PCDHGA9: variants seen among roughly 807,000 people sequenced by gnomAD.
PCDHGA9 encodes the protein protocadherin gamma-A9.
A neutral mutation model predicts 62.5 loss-of-function variants in PCDHGA9; 37 were observed. The observed-to-expected ratio is 0.59, with a 90% CI of 0.46 to 0.78. The LOEUF (loss-of-function observed/expected upper bound fraction) is 0.78. PCDHGA9 is among the 30% of genes least tolerant of loss of function. PCDHGA9 has a pLI of 0.00. For missense variants in PCDHGA9, 1,138 were observed against 1,166.2 expected (o/e 0.98, Z 0.35); for synonymous variants, 459 against 484.6 (o/e 0.95, Z 0.69).
At chr5:141,407,703 G>T (rs1016806853) in intron 1 of PCDHGA9, among the ~76,000 whole-genome samples, 1 of 152,096 alleles carries the variant, frequency 6.6e-6, no homozygotes, top group Admixed American at 6.6e-5. Context: ...ATTGTTGAAG[G>T]TGGGGTGATG....
intron 1 of PCDHGA9, chr5:141,415,715 T>A: frequency 7.0e-7 from 1 of 1,428,190 alleles, no homozygotes; most frequent in Non-Finnish European, 9.3e-7. Flanking sequence ...AAAACACTGA[T>A]GAGTAGAATT....
At position 141,426,367 on chromosome 5, in the gene PCDHGA9, G is replaced by A. The variant is rs557191606; in HGVS notation, c.2424+20991G>A. The A allele has an allele frequency of 8.2e-4, 168 of 204,486 alleles. 3 individuals are homozygous for A. The South Asian group carries it at 0.014, about 17-fold the overall frequency. 12.7% of individuals were successfully genotyped at this position (204,486 alleles called of 1,614,324 possible). ...TTTCCTGCTGCCTTTGTTCTGCGGG[G>A]CACCCTCGGAGCAGATCCGCTACTC... is the stretch of plus-strand genomic sequence containing the variant. On this transcript the variant is annotated intron_variant, in intron 1 of 3. Transcript: ENST00000573521.
At chr5:141,406,346 G>C (rs1296474677) in intron 1 of PCDHGA9, among the ~76,000 whole-genome samples, 1 of 152,092 alleles carries the variant, frequency 6.6e-6, no homozygotes, top group Non-Finnish European at 1.5e-5. Flanking sequence ...ATTTATTCAG[G>C]TCATACTATG....
intron 2 of PCDHGA9, among the ~76,000 whole-genome samples, chr5:141,502,866 C>CTTTTTT (rs549047197): frequency 2.0e-4 from 26 of 128,026 alleles, no homozygotes; most frequent in African/African-American, 6.2e-4. Flanking sequence ...GACTCTCTGT[C>CTTTTTT]TTTTTTTTTT....
intron 1 of PCDHGA9, among the ~76,000 whole-genome samples, chr5:141,465,545 C>T (rs2099105349): frequency 6.6e-6 from 1 of 152,146 alleles, no homozygotes; most frequent in South Asian, 2.1e-4. Context: ...GGCATTTTTT[C>T]TGCTGAAGCT....
intron 1 of PCDHGA9, among the ~76,000 whole-genome samples, chr5:141,437,929 G>A (rs1479763331): frequency 6.6e-6 from 1 of 151,960 alleles, no homozygotes; most frequent in East Asian, 1.9e-4. Context: ...GTAGAGATGG[G>A]GTTTCACCAT....
At chr5:141,469,233 C>T (rs2099194657) in intron 1 of PCDHGA9, among the ~76,000 whole-genome samples, 1 of 149,878 alleles carries the variant, frequency 6.7e-6, no homozygotes, top group African/African-American at 2.5e-5. Context: ...GCCATGATCA[C>T]CCCACTGCAC....
intron 1 of PCDHGA9, chr5:141,427,998 C>G: frequency 6.2e-7 from 1 of 1,600,956 alleles, no homozygotes; most frequent in Non-Finnish European, 8.6e-7. Context: ...TGGCTCCGCA[C>G]TCTTCGATAT....
At position 141,405,272 on chromosome 5, in the gene PCDHGA9, A is replaced by G. The variant is rs551265067; in HGVS notation, c.2320A>G (p.Asn774Asp). The G allele has an allele frequency of 9.3e-6, 15 of 1,614,170 alleles. No individual in the cohort carries two copies. In the South Asian group the frequency reaches 1.6e-4, roughly 18 times the overall value. Residue 774 changes from asparagine to aspartate, a missense_variant, in exon 1 of 4, where the codon AAC becomes GAC. Transcript: ENST00000573521. Reference protein sequence around the residue: ...RKSHLIFPQPNYADTLISQQS... With the variant: ...RKSHLIFPQPDYADTLISQQS... ...GAGTCACCTGATCTTCCCCCAGCCC[A>G]ACTATGCAGACACACTCATCAGCCA...
chr5:141,449,622 T>A (rs889336036), intron 1 of PCDHGA9, among the ~76,000 whole-genome samples: 1 of 150,910 alleles, frequency 6.6e-6, no homozygotes, highest in African/African-American at 2.4e-5. Context: ...AAAAGTTTTT[T>A]AAAAAGATGT....
At chr5:141,457,116 C>T (rs933634563) in intron 1 of PCDHGA9, among the ~76,000 whole-genome samples, 5 of 152,176 alleles carry the variant, frequency 3.3e-5, no homozygotes, top group Non-Finnish European at 7.3e-5. Flanking sequence ...AATACGACAG[C>T]AATGGAAACT....
rs148675327 is a variant in PCDHGA9 at position 141,477,019 on chromosome 5, C to A, written c.2425-17788C>A. On this transcript the variant is annotated intron_variant, in intron 1 of 3. Coordinates refer to ENST00000573521, the MANE Select transcript of PCDHGA9 (RefSeq NM_018921.3). The surrounding 1 kb of genome is among the most constrained non-coding windows in gnomAD (Gnocchi z 4.9). ...AACTATTCGCCTTAGACCTTGTAAC[C>A]GGGATGCTGACAATCAAGGGTCGGC... The A allele has an allele frequency of 1.7e-5, 28 of 1,614,124 alleles. No individual in the cohort carries two copies. The African/African-American group carries it at 2.5e-4, about 15-fold the overall frequency.
intron 1 of PCDHGA9, chr5:141,429,167 T>TAC (rs1357037045): frequency 6.6e-5 from 9 of 136,102 alleles, no homozygotes; most frequent in African/African-American, 8.8e-5. Context: ...AGACATTGTT[T>TAC]ATACACACAC....
intron 2 of PCDHGA9, among the ~76,000 whole-genome samples, chr5:141,503,598 C>CAAAAAAA (rs765754054): frequency 1.5e-5 from 1 of 65,730 alleles, no homozygotes; most frequent in Non-Finnish European, 3.4e-5. Flanking sequence ...GACTCCAGCT[C>CAAAAAAA]AAAAAAAAAA....
At chr5:141,409,707 C>T in intron 1 of PCDHGA9, 1 of 1,613,248 alleles carries the variant, frequency 6.2e-7, no homozygotes, top group Non-Finnish European at 8.5e-7. Flanking sequence ...CTGGCGGTGT[C>T]GTCATACGTG....
chr5:141,412,301 T>C (rs925243467), intron 1 of PCDHGA9: 3 of 152,260 alleles, frequency 2.0e-5, no homozygotes, highest in Non-Finnish European at 2.9e-5. Context: ...TCTTTTCTCA[T>C]TACAATGCAA....
In PCDHGA9 at chr5:141,485,848, C is replaced by T; in HGVS notation, c.2425-8959C>T. On this transcript the variant is annotated intron_variant, in intron 1 of 3. Coordinates refer to ENST00000573521, the MANE Select transcript of PCDHGA9 (RefSeq NM_018921.3). This position sits in a 1 kb window ranked among gnomAD's most constrained non-coding sequence, Gnocchi z 5.7. ...GAGGGAACCCGCCGAGATCTGGCAC[C>T]GCAGAGCTCCGGGTATCCGTGCTGG... The T allele has an allele frequency of 1.2e-6, 2 of 1,614,194 alleles. No homozygotes were observed. Among genetic ancestry groups the T allele is most frequent in the South Asian group, 2.2e-5 (2 of 91,080 alleles).
At chr5:141,481,747 T>A (rs1319673737) in intron 1 of PCDHGA9, among the ~76,000 whole-genome samples, 3 of 151,684 alleles carry the variant, frequency 2.0e-5, no homozygotes, top group African/African-American at 7.3e-5. Flanking sequence ...AGGTCAGGAG[T>A]CCAAGACCAG....
chr5:141,499,563 A>C (rs979866448), intron 2 of PCDHGA9, among the ~76,000 whole-genome samples: 3 of 152,242 alleles, frequency 2.0e-5, no homozygotes, highest in Non-Finnish European at 2.9e-5. Context: ...ACCACTATCC[A>C]GCTTCAACTA....
Sources: gnomAD v4.1 joint callset for allele counts (sites outside exome capture counted in the v4.1 genomes callset) on GRCh38, gnomAD v4.1.1 for gene constraint, Gnocchi (gnomAD v3.1) non-coding constraint, MANE v1.5 for transcripts, NCBI Gene and HGNC (gene_info 2026-07-23, HGNC 2026-07-21) for gene names.